The following NIPA2 variants were observed in gnomAD, a reference collection of about 807,000 sequenced individuals.
The protein encoded by NIPA2 is magnesium transporter NIPA2.
In NIPA2, 11 loss-of-function variants were observed where a neutral mutation model predicts 29.7. That is an observed-to-expected ratio of 0.37 (90% confidence interval 0.23 to 0.61). The LOEUF (loss-of-function observed/expected upper bound fraction) is 0.61, where lower values mean the gene tolerates loss of function less well. Ranked by LOEUF, NIPA2 falls within the 20% of genes least tolerant of loss-of-function variation. The pLI is 0.66. For synonymous variants in NIPA2, 183 were observed against 161.9 expected (o/e 1.13, Z -0.99); for missense variants, 426 against 437.9 (o/e 0.97, Z 0.24).
intron 7 of NIPA2, among the ~76,000 whole-genome samples, chr15:22,864,190 C>T (rs1358884303): frequency 6.6e-6 from 1 of 152,024 alleles, no homozygotes; most frequent in Non-Finnish European, 1.5e-5. Flanking sequence ...GAGTCTTGCT[C>T]TGTTGCCCAG....
rs199515853 is a variant in NIPA2 at position 22,863,085 on chromosome 15, G to GT, written c.448+2309dup. ...TCTGGCTAATTTTTGTATTTTCTTTGTTTTTTTTTTTTTGAGATGGAGTCT... is the reference window on the plus strand; with the variant it reads ...TCTGGCTAATTTTTGTATTTTCTTTGTTTTTTTTTTTTTTGAGATGGAGTCT... On this transcript the variant is annotated intron_variant, in intron 7 of 7. Coordinates refer to ENST00000337451, the MANE Select transcript of NIPA2 (RefSeq NM_030922.7). Among the ~76,000 whole-genome samples, 253 of 125,236 alleles carry GT rather than the reference G, an allele frequency of 2.0e-3. 1 individual carries two copies. The highest frequency in any genetic ancestry group is 3.1e-3 in the African/African-American group (109 of 35,344). The allele number at this position is 125,236 out of a possible 152,430, so 82.2% of individuals were successfully genotyped here. A position where few individuals can be genotyped will look rare whatever the true frequency, so the allele number is the denominator to read the frequency against.
chr15:22,867,512 G>A lies in NIPA2; in HGVS notation c.*665G>A. 3.6e-6 allele frequency: 1 copy of A among 273,986 alleles called. No homozygotes were observed. Among genetic ancestry groups the A allele is most frequent in the Non-Finnish European group, 6.7e-6 (1 of 148,570 alleles). 17.0% of individuals were successfully genotyped at this position (273,986 alleles called of 1,614,324 possible). A position where few individuals can be genotyped will look rare whatever the true frequency, so the allele number is the denominator to read the frequency against. The stretch of plus-strand genomic sequence containing the variant: ...CTCATCAAGCCAGCACATCCTGCCT[G>A]CTGTTGCAGCCTGGCTGGGTTTATT... On this transcript the variant is annotated 3_prime_UTR_variant, in exon 8 of 8. Coordinates refer to ENST00000337451, the MANE Select transcript of NIPA2 (RefSeq NM_030922.7).
intron 2 of NIPA2, among the ~76,000 whole-genome samples, chr15:22,840,065 C>T (rs532691808): frequency 6.6e-6 from 1 of 152,180 alleles, no homozygotes; most frequent in African/African-American, 2.4e-5. Context: ...GGACCACAGA[C>T]GTGCGGCACC....
At chr15:22,842,842 A>G (rs1415797869) in intron 2 of NIPA2, among the ~76,000 whole-genome samples, 1 of 151,956 alleles carries the variant, frequency 6.6e-6, no homozygotes, top group African/African-American at 2.4e-5. Flanking sequence ...AAAAATTAAA[A>G]AATGCAAAAA....
At chr15:22,863,076 A>G (rs1267699405) in intron 7 of NIPA2, among the ~76,000 whole-genome samples, 1 of 117,568 alleles carries the variant, frequency 8.5e-6, no homozygotes, top group Non-Finnish European at 1.8e-5. Flanking sequence ...TAATTTTTGT[A>G]TTTTCTTTGT....
chr15:22,842,277 C>T (rs114360274), intron 2 of NIPA2, among the ~76,000 whole-genome samples: 1,858 of 152,130 alleles, frequency 0.012, 33 homozygotes, highest in African/African-American at 0.042. Context: ...CCAAAGTAAC[C>T]GTAACAGAGG....
rs1307705575 is a variant in NIPA2 at position 22,859,258 on chromosome 15, G to C, written c.287+628G>C. Among the ~76,000 whole-genome samples, 8 of 151,930 alleles carry C rather than the reference G, an allele frequency of 5.3e-5. No individual in the cohort carries two copies. The East Asian group carries it at 1.5e-3, about 29-fold the overall frequency. Reference sequence around the variant, plus strand: ...CATTCAGTGCATGTGCACTTTGGTAGGGTCTGGTTGGTAATGAGTAGATTT... The same window carrying C: ...CATTCAGTGCATGTGCACTTTGGTACGGTCTGGTTGGTAATGAGTAGATTT... On this transcript the variant is annotated intron_variant, in intron 6 of 7. Coordinates refer to ENST00000337451, the MANE Select transcript of NIPA2 (RefSeq NM_030922.7).
At chr15:22,852,714 A>G (rs1448191165) in intron 4 of NIPA2, among the ~76,000 whole-genome samples, 2 of 152,118 alleles carry the variant, frequency 1.3e-5, no homozygotes, top group Non-Finnish European at 2.9e-5. Flanking sequence ...TGACTCCTCT[A>G]TCAGGGACAC....
chr15:22,867,290 A>T lies in NIPA2; in HGVS notation c.*443A>T. 1 of 398,564 alleles carries T rather than the reference A, an allele frequency of 2.5e-6. No individual in the cohort carries two copies. Among genetic ancestry groups the T allele is most frequent in the African/African-American group, 2.1e-5 (1 of 48,718 alleles). The allele number at this position is 398,564 out of a possible 1,614,324, so 24.7% of individuals were successfully genotyped here. On this transcript the variant is annotated 3_prime_UTR_variant, in exon 8 of 8. Coordinates refer to ENST00000337451, the MANE Select transcript of NIPA2 (RefSeq NM_030922.7). Reference sequence around the variant, plus strand: ...TATCCTGTGATTTACCTTACCTACAAAAGTGGCTCCTGTTTGTTTGATGAT... The same window carrying T: ...TATCCTGTGATTTACCTTACCTACATAAGTGGCTCCTGTTTGTTTGATGAT...
chr15:22,848,336 C>G (rs867490539), intron 3 of NIPA2, among the ~76,000 whole-genome samples: 1 of 151,984 alleles, frequency 6.6e-6, no homozygotes, highest in African/African-American at 2.4e-5. Context: ...TATAAAACAT[C>G]GGTTACATTT....
chr15:22,857,075 T>G (rs1196575997), intron 5 of NIPA2, among the ~76,000 whole-genome samples: 1 of 150,846 alleles, frequency 6.6e-6, no homozygotes, highest in Non-Finnish European at 1.5e-5. Flanking sequence ...TCACTGTTTT[T>G]CTTCATAACA....
intron 5 of NIPA2, among the ~76,000 whole-genome samples, chr15:22,855,278 A>C (rs2058094480): frequency 1.3e-5 from 2 of 151,856 alleles, no homozygotes; most frequent in Admixed American, 1.3e-4. Flanking sequence ...TTAGCTGGGC[A>C]TGGTGGTGCA....
At chr15:22,846,849 T>A (rs375721880) in intron 3 of NIPA2, among the ~76,000 whole-genome samples, 240 of 135,054 alleles carry the variant, frequency 1.8e-3, no homozygotes, top group African/African-American at 5.2e-3. Flanking sequence ...TAATTATTAT[T>A]ATTATTATTT....
chr15:22,860,248 G>A (rs78654908), intron 6 of NIPA2, among the ~76,000 whole-genome samples: 6,679 of 152,142 alleles, frequency 0.044, 296 homozygotes, highest in East Asian at 0.23. Flanking sequence ...TTGAACTCCT[G>A]ACCTGAGGTG....
rs1310624007 is a variant in NIPA2, at chr15:22,867,017, T to C, written c.*170T>C. 21 of 617,804 alleles carry C rather than the reference T, an allele frequency of 3.4e-5. No individual in the cohort carries two copies. The highest frequency in any genetic ancestry group is 5.2e-5 in the Non-Finnish European group (19 of 368,196). 38.3% of individuals were successfully genotyped at this position (617,804 alleles called of 1,614,324 possible). Reference sequence around the variant, plus strand: ...ACTTTTCTTGTATTTAAACAAACAATGGTAGCTCACTAAAATGACCTCAGC... The same window carrying C: ...ACTTTTCTTGTATTTAAACAAACAACGGTAGCTCACTAAAATGACCTCAGC... On this transcript the variant is annotated 3_prime_UTR_variant, in exon 8 of 8. Coordinates refer to ENST00000337451, the MANE Select transcript of NIPA2 (RefSeq NM_030922.7).
chr15:22,848,872 A>C (rs2057492286), intron 3 of NIPA2, among the ~76,000 whole-genome samples: 1 of 150,246 alleles, frequency 6.7e-6, no homozygotes. Flanking sequence ...ATTCATCCAT[A>C]TTCACCCAGA....
chr15:22,864,690 C>T (rs1004899000), intron 7 of NIPA2, among the ~76,000 whole-genome samples: 8 of 152,230 alleles, frequency 5.3e-5, no homozygotes, highest in African/African-American at 1.9e-4. Flanking sequence ...CACTTTCAAT[C>T]TTGCCTTTAC....
intron 3 of NIPA2, among the ~76,000 whole-genome samples, chr15:22,847,216 A>G (rs566343114): frequency 9.2e-5 from 14 of 152,006 alleles, no homozygotes; most frequent in Middle Eastern, 3.4e-3. Context: ...TTGTGAGTCT[A>G]TTGTTATACT....
At chr15:22,848,078 G>GCTC (rs1352607564) in intron 3 of NIPA2, among the ~76,000 whole-genome samples, 1 of 151,904 alleles carries the variant, frequency 6.6e-6, no homozygotes, top group African/African-American at 2.4e-5. Context: ...GATTACAGGC[G>GCTC]TGAGCCACCA....
Sources: allele counts gnomAD v4.1 joint callset (sites outside exome capture counted in the v4.1 genomes callset), GRCh38; gene constraint gnomAD v4.1.1; transcripts MANE v1.5; gene names NCBI Gene and HGNC (gene_info 2026-07-23, HGNC 2026-07-21).